MTUS2: variants seen among roughly 807,000 people sequenced by gnomAD.
MTUS2 encodes the protein microtubule associated scaffold protein 2.
A neutral mutation model predicts 114.1 loss-of-function variants in MTUS2; 40 were observed. That is an observed-to-expected ratio of 0.35 (90% CI 0.27 to 0.46). The LOEUF (loss-of-function observed/expected upper bound fraction) is 0.46, where lower values mean the gene tolerates loss of function less well. MTUS2 is among the 20% of genes least tolerant of loss of function. MTUS2 has a pLI of 1.00. For missense variants in MTUS2, 1,679 were observed against 1,705.4 expected (o/e 0.98, Z 0.27); for synonymous variants, 688 against 672.0 (o/e 1.02, Z -0.37).
chr13:29,307,567 C>A, intron 6 of MTUS2: 3 of 1,242,478 alleles, frequency 2.4e-6, no homozygotes, highest in Non-Finnish European at 3.5e-6. Context: ...GGTGGTAAAG[C>A]AGGTGTCAGA....
chr13:29,057,479 C>T (rs1446263534), intron 4 of MTUS2, among the ~76,000 whole-genome samples: 1 of 152,076 alleles, frequency 6.6e-6, no homozygotes, highest in Non-Finnish European at 1.5e-5. Context: ...CTGGATGTTC[C>T]TGTGTTGGGT....
intron 8 of MTUS2, among the ~76,000 whole-genome samples, chr13:29,377,290 G>T (rs1427081394): frequency 6.6e-6 from 1 of 152,140 alleles, no homozygotes; most frequent in Non-Finnish European, 1.5e-5. Context: ...AACAACAGCA[G>T]AATACACATT....
intron 2 of MTUS2, among the ~76,000 whole-genome samples, chr13:28,914,676 G>T (rs536944455): frequency 2.6e-5 from 4 of 151,978 alleles, no homozygotes; most frequent in Non-Finnish European, 5.9e-5. Context: ...AATATTTTCA[G>T]TTGGGTGTTA....
At chr13:29,049,191 G>A (rs1211363488) in intron 4 of MTUS2, among the ~76,000 whole-genome samples, 1 of 152,226 alleles carries the variant, frequency 6.6e-6, no homozygotes, top group Non-Finnish European at 1.5e-5. Context: ...AAGACAAGGT[G>A]AATTTAAATG....
chr13:29,248,409 C>T (rs551148443), intron 5 of MTUS2, among the ~76,000 whole-genome samples: 38 of 152,106 alleles, frequency 2.5e-4, no homozygotes, highest in African/African-American at 7.2e-4. Context: ...AAGAAAAATC[C>T]GTCATATCCA....
At chr13:29,038,490 G>A (rs1256824442) in intron 4 of MTUS2, among the ~76,000 whole-genome samples, 2 of 152,220 alleles carry the variant, frequency 1.3e-5, no homozygotes, top group Non-Finnish European at 1.5e-5. Context: ...CCTGCTGGGA[G>A]GTGTCTCCCA....
At chr13:29,146,796 A>G (rs1413013403) in intron 5 of MTUS2, among the ~76,000 whole-genome samples, 1 of 152,212 alleles carries the variant, frequency 6.6e-6, no homozygotes, top group Non-Finnish European at 1.5e-5. Context: ...CTGGTCTTCT[A>G]CCTGTGACAT....
chr13:28,933,768 G>A (rs1055993947), intron 2 of MTUS2, among the ~76,000 whole-genome samples: 3 of 152,134 alleles, frequency 2.0e-5, no homozygotes, highest in Non-Finnish European at 4.4e-5. Flanking sequence ...GGGTCATAAG[G>A]TATTTAACTA....
chr13:29,399,083 G>A (rs373836192), intron 8 of MTUS2, among the ~76,000 whole-genome samples: 4 of 152,276 alleles, frequency 2.6e-5, no homozygotes, highest in South Asian at 4.1e-4. Flanking sequence ...GCTGCTGGGT[G>A]CCCATTTTTA....
At chr13:29,318,415 T>C (rs1420789480) in intron 6 of MTUS2, among the ~76,000 whole-genome samples, 5 of 150,602 alleles carry the variant, frequency 3.3e-5, no homozygotes, top group African/African-American at 1.2e-4. Context: ...GATGACAGCC[T>C]CGTCCTCAGA....
chr13:29,104,472 A>G (rs953799118), intron 5 of MTUS2, among the ~76,000 whole-genome samples: 7 of 152,340 alleles, frequency 4.6e-5, no homozygotes, highest in African/African-American at 1.7e-4. Flanking sequence ...CAGGCTTCCC[A>G]GGTTGTCAGC....
At chr13:28,914,641 T>C (rs942903684) in intron 2 of MTUS2, among the ~76,000 whole-genome samples, 1 of 152,102 alleles carries the variant, frequency 6.6e-6, no homozygotes, top group Admixed American at 6.6e-5. Context: ...TGAATATCTT[T>C]GTTAATTTTC....
intron 2 of MTUS2, among the ~76,000 whole-genome samples, chr13:28,888,170 AT>A (rs1878700486): frequency 6.6e-6 from 1 of 152,072 alleles, no homozygotes; most frequent in Non-Finnish European, 1.5e-5. Context: ...ACTATTGTAT[AT>A]TTGTCTGAGT....
intron 2 of MTUS2, among the ~76,000 whole-genome samples, chr13:28,879,823 C>CT (rs1257302081): frequency 6.6e-6 from 1 of 151,098 alleles, no homozygotes; most frequent in Non-Finnish European, 1.5e-5. Context: ...AGAGATGTAT[C>CT]TAAGTGTGAT....
At chr13:28,884,688 G>A (rs1462076755) in intron 2 of MTUS2, among the ~76,000 whole-genome samples, 2 of 152,174 alleles carry the variant, frequency 1.3e-5, no homozygotes, top group African/African-American at 4.8e-5. Context: ...TACCAATGCA[G>A]TTTTCTGGTT....
At chr13:28,977,664 A>G (rs1884177451) in intron 2 of MTUS2, among the ~76,000 whole-genome samples, 1 of 152,198 alleles carries the variant, frequency 6.6e-6, no homozygotes, top group Admixed American at 6.5e-5. Flanking sequence ...GGTGGAGATG[A>G]AAGCCTTTAT....
chr13:28,958,511 C>T (rs954608054), intron 2 of MTUS2, among the ~76,000 whole-genome samples: 1 of 152,190 alleles, frequency 6.6e-6, no homozygotes, highest in Non-Finnish European at 1.5e-5. Flanking sequence ...GTCTGTTATT[C>T]TTAGTCTGTT....
At chr13:29,445,178 T>C (rs1048204340) in intron 9 of MTUS2, among the ~76,000 whole-genome samples, 3 of 152,234 alleles carry the variant, frequency 2.0e-5, no homozygotes, top group Non-Finnish European at 4.4e-5. Context: ...TTCCTGGCAA[T>C]TGATTTACAA....
At chr13:29,348,376 C>T (rs1428948011) in intron 7 of MTUS2, among the ~76,000 whole-genome samples, 2 of 136,520 alleles carry the variant, frequency 1.5e-5, no homozygotes, top group Non-Finnish European at 1.6e-5. Context: ...CTTTTAGGAG[C>T]TCTGTGTCAG....
Sources: gnomAD v4.1 joint callset for allele counts (sites outside exome capture counted in the v4.1 genomes callset) on GRCh38, gnomAD v4.1.1 for gene constraint, MANE v1.5 for transcripts, NCBI Gene and HGNC (gene_info 2026-07-23, HGNC 2026-07-21) for gene names.